SHISA6: variants seen among roughly 807,000 people sequenced by gnomAD.
SHISA6 encodes shisa family member 6.
A neutral mutation model predicts 47.9 loss-of-function variants in SHISA6; 22 were observed. The ratio of observed to expected loss-of-function variants is 0.46; its 90% CI spans 0.33 to 0.66. The LOEUF is 0.66. SHISA6 is among the 30% of genes least tolerant of loss of function. The pLI, the probability that SHISA6 is intolerant of heterozygous loss-of-function variation, is 0.02. For synonymous variants in SHISA6, 388 were observed against 337.8 expected, an observed-to-expected ratio of 1.15 and a Z score of -1.63; for missense variants, 680 against 764.6, an observed-to-expected ratio of 0.89 and a Z score of 1.30.
At chr17:11,275,820 G>A (rs754244214) in intron 2 of SHISA6, among the ~76,000 whole-genome samples, 2 of 152,152 alleles carry the variant, frequency 1.3e-5, no homozygotes, top group Non-Finnish European at 2.9e-5. Context: ...AGGGCTAGAA[G>A]TCAGAGATGA....
chr17:11,249,787 C>G (rs1193700558), intron 1 of SHISA6, among the ~76,000 whole-genome samples: 1 of 152,186 alleles, frequency 6.6e-6, no homozygotes, highest in Non-Finnish European at 1.5e-5. Flanking sequence ...GGGGCTGAGT[C>G]TGATGAATGA....
At chr17:11,399,425 G>A (rs1913687915) in intron 3 of SHISA6, among the ~76,000 whole-genome samples, 1 of 152,032 alleles carries the variant, frequency 6.6e-6, no homozygotes, top group South Asian at 2.1e-4. Context: ...ATTTTTGTTT[G>A]TTTGTTTCTT....
intron 3 of SHISA6, among the ~76,000 whole-genome samples, chr17:11,551,242 A>G (rs1325109140): frequency 6.6e-6 from 1 of 152,236 alleles, no homozygotes. Flanking sequence ...TGGCAACTGT[A>G]ACTGTGTTAA....
In SHISA6 at chr17:11,558,185, CAG is replaced by C. The variant is rs2072002292; in HGVS notation, c.1539_1540del (p.Gln513HisfsTer77). The C allele has an allele frequency of 6.5e-7, 1 of 1,545,972 alleles. No homozygotes were observed. Among genetic ancestry groups the C allele is most frequent in the Non-Finnish European group, 8.7e-7 (1 of 1,146,962 alleles). On this transcript the variant is annotated frameshift_variant, in exon 6 of 6. Coordinates refer to ENST00000441885, the MANE Select transcript of SHISA6 (RefSeq NM_207386.4). LOFTEE classifies it high-confidence loss of function. Reference protein sequence around the residue: ...NNSYATLGQSQTAAKRHAFAS... With the variant: ...NNSYATLGQSXTAAKRHAFAS... The stretch of plus-strand genomic sequence containing the variant: ...CTCATACGCCACCCTGGGCCAGAGC[CAG>C]ACGGCAGCCAAGCGTCATGCCTTTG...
At chr17:11,269,101 G>T (rs964011473) in intron 2 of SHISA6, among the ~76,000 whole-genome samples, 4 of 151,634 alleles carry the variant, frequency 2.6e-5, no homozygotes, top group East Asian at 1.9e-4. Flanking sequence ...GAGTGCAGTG[G>T]CGCGATCTCA....
chr17:11,255,636 T>A (rs1294731816), intron 1 of SHISA6, among the ~76,000 whole-genome samples: 1 of 152,192 alleles, frequency 6.6e-6, no homozygotes, highest in Admixed American at 6.5e-5. Flanking sequence ...CAGAAACGGG[T>A]GTGTGGTCAT....
chr17:11,290,073 A>T (rs962394495), intron 2 of SHISA6: 26 of 152,128 alleles, frequency 1.7e-4, no homozygotes, highest in African/African-American at 5.3e-4. Flanking sequence ...CTTTTGCCCA[A>T]AGGTTACTCG....
chr17:11,299,868 A>G (rs555187741), intron 2 of SHISA6, among the ~76,000 whole-genome samples: 1 of 152,258 alleles, frequency 6.6e-6, no homozygotes, highest in Admixed American at 6.5e-5. Flanking sequence ...CCTTCAGGTC[A>G]GGTGCGGTGG....
At chr17:11,533,853 A>T (rs900814823) in intron 3 of SHISA6, among the ~76,000 whole-genome samples, 2 of 152,070 alleles carry the variant, frequency 1.3e-5, no homozygotes, top group Non-Finnish European at 2.9e-5. Flanking sequence ...CGCCTCCCAA[A>T]GTGCTGGGAT....
At chr17:11,367,963 A>G (rs1912510055) in intron 2 of SHISA6, among the ~76,000 whole-genome samples, 1 of 152,152 alleles carries the variant, frequency 6.6e-6, no homozygotes. Context: ...TGCTGGCCGG[A>G]CAGCTCCCCC....
intron 2 of SHISA6, among the ~76,000 whole-genome samples, chr17:11,359,497 CTCTCT>C (rs1193821372): frequency 6.6e-6 from 1 of 152,144 alleles, no homozygotes; most frequent in Non-Finnish European, 1.5e-5. Flanking sequence ...TCTGCATCAA[CTCTCT>C]TCTCTCTGGA....
intron 3 of SHISA6, among the ~76,000 whole-genome samples, chr17:11,491,959 C>T (rs1447018090): frequency 1.3e-5 from 2 of 152,112 alleles, no homozygotes; most frequent in Admixed American, 6.5e-5. Flanking sequence ...TTAGTAGAGA[C>T]AGGGTTTCTC....
rs1280044918 is a variant in SHISA6 at position 11,556,527 on chromosome 17, T to C, written c.1105+635T>C. 3.3e-5 allele frequency among the ~76,000 whole-genome samples: 5 copies of C among 152,236 alleles called. No homozygotes were observed. In the East Asian group the frequency reaches 9.7e-4, roughly 29 times the overall value. On this transcript the variant is annotated intron_variant, in intron 5 of 5. Transcript: ENST00000441885. ...TCCCTGGCTTTCTGGCCTTGGACCT[T>C]CTCCTCCCATTTTCCCAGGAGTCTC... is the stretch of plus-strand genomic sequence containing the variant.
chr17:11,356,403 G>C (rs1383492253), intron 2 of SHISA6, among the ~76,000 whole-genome samples: 1 of 152,188 alleles, frequency 6.6e-6, no homozygotes, highest in Admixed American at 6.5e-5. Context: ...CAGAGCTGCT[G>C]TTTAGCAGAT....
intron 3 of SHISA6, among the ~76,000 whole-genome samples, chr17:11,467,833 TAATGGCGAACC>T (rs1915848599): frequency 6.6e-6 from 1 of 152,210 alleles, no homozygotes; most frequent in Admixed American, 6.5e-5. Flanking sequence ...TCCATTCAGA[TAATGGCGAACC>T]AAGTACCCAC....
intron 2 of SHISA6, among the ~76,000 whole-genome samples, chr17:11,365,762 A>G (rs571010971): frequency 6.6e-6 from 1 of 152,306 alleles, no homozygotes; most frequent in East Asian, 1.9e-4. Flanking sequence ...TTAAGAAGGG[A>G]GATGGACAAT....
rs575055730 is a variant in SHISA6, at chr17:11,320,193, A to G, written c.799+56667A>G. ...TTATGTGGACATAGTGAAGAAAACT[A>G]TTCTGAACCTTAGTTGTATCTCGAC... On this transcript the variant is annotated intron_variant, in intron 2 of 5. Transcript: ENST00000441885. 1.6e-4 allele frequency among the ~76,000 whole-genome samples: 25 copies of G among 152,364 alleles called. No individual in the cohort carries two copies. In the South Asian group the frequency reaches 4.6e-3, roughly 28 times the overall value.
chr17:11,448,310 C>G (rs1392390259), intron 3 of SHISA6, among the ~76,000 whole-genome samples: 1 of 152,084 alleles, frequency 6.6e-6, no homozygotes, highest in African/African-American at 2.4e-5. Flanking sequence ...GCAGGAGAAT[C>G]TCCTGTGCCA....
rs191064753 is a variant in SHISA6, at chr17:11,366,541, T to C, written c.800-12873T>C. On this transcript the variant is annotated intron_variant, in intron 2 of 5. Transcript: ENST00000441885. The stretch of plus-strand genomic sequence containing the variant: ...TAGGAGAAGACTTTTCTGTGTGTTA[T>C]GCAGAGAATCTAGAGAGTCGATGGA... 4.3e-4 allele frequency among the ~76,000 whole-genome samples: 66 copies of C among 152,346 alleles called. 1 individual carries two copies. The East Asian group carries it at 8.9e-3, about 21-fold the overall frequency.
Sources: allele counts gnomAD v4.1 joint callset (sites outside exome capture counted in the v4.1 genomes callset), GRCh38; gene constraint gnomAD v4.1.1; transcripts MANE v1.5; gene names NCBI Gene and HGNC (gene_info 2026-07-23, HGNC 2026-07-21).